NCOA3: variants seen among roughly 807,000 people sequenced by gnomAD.
The protein encoded by NCOA3 is nuclear receptor coactivator 3, also known as CBP-interacting protein.
A neutral mutation model predicts 158.8 loss-of-function variants in NCOA3; 51 were observed. The observed-to-expected ratio is 0.32, with a 90% CI of 0.26 to 0.41. The LOEUF (loss-of-function observed/expected upper bound fraction) is 0.41. NCOA3 is among the 10% of genes least tolerant of loss of function. NCOA3 has a pLI of 1.00. For synonymous variants in NCOA3, 537 were observed against 592.4 expected (o/e 0.91, Z 1.36); for missense variants, 1,510 against 1,746.6 (o/e 0.86, Z 2.41).
intron 2 of NCOA3, among the ~76,000 whole-genome samples, chr20:47,620,827 TA>T (rs1242601998): frequency 1.3e-5 from 2 of 152,248 alleles, no homozygotes; most frequent in Non-Finnish European, 2.9e-5. Flanking sequence ...AGCATTTTCT[TA>T]CCCTCTAGCA....
chr20:47,571,560 C>G (rs896760811), intron 1 of NCOA3, among the ~76,000 whole-genome samples: 2 of 149,418 alleles, frequency 1.3e-5, no homozygotes, highest in African/African-American at 2.5e-5. Flanking sequence ...TCAAGCAATC[C>G]ACCTGCCAGC....
intron 1 of NCOA3, among the ~76,000 whole-genome samples, chr20:47,578,694 C>T (rs993555302): frequency 1.3e-5 from 2 of 152,148 alleles, no homozygotes; most frequent in Admixed American, 1.3e-4. Context: ...ATTTTGCAGC[C>T]TTTAACCTGA....
chr20:47,528,319 A>G (rs1385224622), intron 1 of NCOA3, among the ~76,000 whole-genome samples: 2 of 152,206 alleles, frequency 1.3e-5, no homozygotes, highest in Non-Finnish European at 2.9e-5. Flanking sequence ...ATACTTTTAA[A>G]TGGCCTAGAG....
rs892754967 is a variant in NCOA3 at position 47,655,273 on chromosome 20, T to C, written c.*1856T>C. 2.0e-5 allele frequency: 3 copies of C among 152,198 alleles called. No individual in the cohort carries two copies. Among genetic ancestry groups the C allele is most frequent in the African/African-American group, 7.2e-5 (3 of 41,444 alleles). 9.4% of individuals were successfully genotyped at this position (152,198 alleles called of 1,614,324 possible). A position where few individuals can be genotyped will look rare whatever the true frequency, so the allele number is the denominator to read the frequency against. On this transcript the variant is annotated 3_prime_UTR_variant, in exon 23 of 23. Transcript: ENST00000371998. ...CCTTTATCTGGGTTAATTCATTTGG[T>C]TCAAATAGTTGACGGAATTGGGTTT...
intron 2 of NCOA3, among the ~76,000 whole-genome samples, chr20:47,594,936 C>T (rs1363700922): frequency 6.6e-6 from 1 of 151,028 alleles, no homozygotes; most frequent in African/African-American, 2.4e-5. Context: ...GGATTACAGG[C>T]ACCCGCCACC....
chr20:47,653,007 G>A lies in NCOA3; in HGVS notation c.4198G>A (p.Gly1400Ser). Residue 1400 changes from glycine to serine, a missense_variant, in exon 22 of 23, where the codon GGT becomes AGT. Gly to Ser is a moderately conservative substitution (Grantham distance 56, BLOSUM62 0). This residue lies in a region of NCOA3 where 180 missense variants were observed against 199.3 expected (regional missense o/e 0.90). Transcript: ENST00000371998. The stretch of plus-strand genomic sequence containing the variant: ...TATGGTGCACATGAATGGCAGCAGT[G>A]GTCACATGGGACAGATGAACATGAA... ...YSMVHMNGSSGHMGQMNMNPM... is the reference protein window; with the variant it reads ...YSMVHMNGSSSHMGQMNMNPM... 1 of 1,614,178 alleles carries A rather than the reference G, an allele frequency of 6.2e-7. No individual in the cohort carries two copies.
intron 17 of NCOA3, 51 bp from the exon 18 acceptor site, chr20:47,647,022 C>T (rs748240765): frequency 1.9e-6 from 3 of 1,539,530 alleles, no homozygotes; most frequent in Non-Finnish European, 2.6e-6. Context: ...CATTTGACTT[C>T]TGTTGCTTTC....
chr20:47,618,914 AT>A (rs1183119718), intron 2 of NCOA3, among the ~76,000 whole-genome samples: 1 of 152,242 alleles, frequency 6.6e-6, no homozygotes, highest in African/African-American at 2.4e-5. Context: ...AGAGATTGTC[AT>A]GACTTAGTTT....
intron 1 of NCOA3, among the ~76,000 whole-genome samples, chr20:47,531,842 A>AAGG (rs2084552264): frequency 1.4e-5 from 2 of 145,206 alleles, no homozygotes. Flanking sequence ...ACTGTTAACC[A>AAGG]AGGTCTTTTC....
intron 17 of NCOA3, 54 bp downstream of exon 17, chr20:47,642,438 G>A (rs1006932087): frequency 1.3e-5 from 16 of 1,278,180 alleles, no homozygotes; most frequent in African/African-American, 4.5e-5. Flanking sequence ...GTGTGCGCGC[G>A]TACACATTCA....
intron 1 of NCOA3, among the ~76,000 whole-genome samples, chr20:47,503,673 A>C (rs1490671697): frequency 6.6e-6 from 1 of 152,246 alleles, no homozygotes; most frequent in Non-Finnish European, 1.5e-5. Context: ...TTCAGAACTT[A>C]CTGCTTATGT....
At chr20:47,633,959 T>C in intron 9 of NCOA3, 89 bp from the exon 10 acceptor site, 8 of 1,465,290 alleles carry the variant, frequency 5.5e-6, no homozygotes, top group Non-Finnish European at 7.5e-6. Context: ...TTTAGAAATG[T>C]ACTTGAAGTA....
At chr20:47,648,120 G>A (rs1430356174) in intron 18 of NCOA3, among the ~76,000 whole-genome samples, 4 of 151,932 alleles carry the variant, frequency 2.6e-5, no homozygotes, top group South Asian at 2.1e-4. Context: ...GGCCAGGCCC[G>A]TCTTGAACTC....
chr20:47,551,759 G>A (rs146013502), intron 1 of NCOA3, among the ~76,000 whole-genome samples: 3 of 152,214 alleles, frequency 2.0e-5, no homozygotes, highest in African/African-American at 4.8e-5. Context: ...TTTTGCCCAC[G>A]TAGGAAACAG....
intron 1 of NCOA3, among the ~76,000 whole-genome samples, chr20:47,533,284 CAAAAAAAAAAAA>C (rs1158802672): frequency 1.8e-5 from 1 of 54,854 alleles, no homozygotes; most frequent in African/African-American, 7.8e-5. Context: ...GGTTCCGTCT[CAAAAAAAAAAAA>C]AAAAAAAAGA....
intron 2 of NCOA3, among the ~76,000 whole-genome samples, chr20:47,601,594 T>C (rs1239298251): frequency 6.6e-6 from 1 of 152,212 alleles, no homozygotes; most frequent in Admixed American, 6.5e-5. Context: ...TGTATCACTG[T>C]TATAAATGAG....
At chr20:47,561,954 A>G (rs2085113542) in intron 1 of NCOA3, among the ~76,000 whole-genome samples, 1 of 151,704 alleles carries the variant, frequency 6.6e-6, no homozygotes, top group South Asian at 2.1e-4. Context: ...ACCATTGATC[A>G]TTTTATTGTC....
At chr20:47,509,226 A>T (rs2084076463) in intron 1 of NCOA3, among the ~76,000 whole-genome samples, 1 of 151,332 alleles carries the variant, frequency 6.6e-6, no homozygotes, top group Admixed American at 6.6e-5. Flanking sequence ...CTGTCTCTAT[A>T]AAAAATAGGA....
intron 1 of NCOA3, among the ~76,000 whole-genome samples, chr20:47,523,445 C>T (rs201037430): frequency 3.3e-5 from 5 of 151,888 alleles, no homozygotes; most frequent in Non-Finnish European, 4.4e-5. Context: ...TGCTTCTAGG[C>T]GAGAAGAAAT....
Sources: gnomAD v4.1 joint callset for allele counts (sites outside exome capture counted in the v4.1 genomes callset) on GRCh38, gnomAD v4.1.1 for gene constraint, gnomAD v4.1.1 regional missense constraint, MANE v1.5 for transcripts, NCBI Gene and HGNC (gene_info 2026-07-23, HGNC 2026-07-21) for gene names.